Variants in CLVS1 observed in about 807,000 individuals in gnomAD.
CLVS1 encodes clavesin 1.
Under a neutral mutation model 33.1 loss-of-function variants are expected in CLVS1, and 10 were observed. That is an observed-to-expected ratio of 0.30 (90% confidence interval 0.19 to 0.51). The LOEUF is 0.51. Ranked by LOEUF, CLVS1 falls within the 20% of genes least tolerant of loss-of-function variation. The pLI is 0.97. For synonymous variants in CLVS1, 163 were observed against 166.1 expected, an observed-to-expected ratio of 0.98 and a Z score of 0.14; for missense variants, 343 against 433.4, an observed-to-expected ratio of 0.79 and a Z score of 1.85.
the CLVS1 span, among the ~76,000 whole-genome samples, chr8:61,000,347 A>C: frequency 8.5e-5 from 13 of 152,230 alleles, no homozygotes; most frequent in Non-Finnish European, 1.8e-4. Context: ...GCCAGTGAAC[A>C]TGGAATGATT....
intron 1 of CLVS1, among the ~76,000 whole-genome samples, chr8:61,069,495 C>T (rs970910626): frequency 4.6e-5 from 7 of 152,108 alleles, no homozygotes; most frequent in African/African-American, 9.7e-5. Flanking sequence ...TCAGCAGTCA[C>T]ACTTTCTTTG....
chr8:61,030,882 A>G, the CLVS1 span, among the ~76,000 whole-genome samples: 1 of 152,230 alleles, frequency 6.6e-6, no homozygotes, highest in South Asian at 2.1e-4. Flanking sequence ...CCTGGGACCA[A>G]ATCACAGCTG....
the CLVS1 span, among the ~76,000 whole-genome samples, chr8:60,968,513 TCA>T: frequency 1.1e-5 from 1 of 90,458 alleles, no homozygotes; most frequent in East Asian, 3.2e-4. Context: ...AGACTCCGTT[TCA>T]AAAAAAAAAA....
the CLVS1 span, among the ~76,000 whole-genome samples, chr8:61,005,500 GA>G: frequency 4.0e-5 from 6 of 150,310 alleles, no homozygotes; most frequent in East Asian, 1.2e-3. Context: ...GAAAAGAAAA[GA>G]AAAAAAAGCC....
chr8:61,469,334 A>G (rs770947308), intron 5 of CLVS1, among the ~76,000 whole-genome samples: 2 of 152,182 alleles, frequency 1.3e-5, no homozygotes, highest in Non-Finnish European at 2.9e-5. Flanking sequence ...TTATGGCCAA[A>G]TACCTTCATC....
chr8:61,063,524 G>A (rs556971202), intron 1 of CLVS1, among the ~76,000 whole-genome samples: 21 of 152,234 alleles, frequency 1.4e-4, no homozygotes, highest in Admixed American at 3.3e-4. Context: ...GCCTGGCTGG[G>A]GCACAGGCTT....
intron 2 of CLVS1, among the ~76,000 whole-genome samples, chr8:61,133,724 T>G (rs79749002): frequency 6.6e-6 from 1 of 151,978 alleles, no homozygotes; most frequent in Non-Finnish European, 1.5e-5. Context: ...TTTTAGGAGG[T>G]CATTGTGCTT....
intron 2 of CLVS1, among the ~76,000 whole-genome samples, chr8:61,137,673 T>G (rs1225799690): frequency 1.3e-5 from 2 of 152,196 alleles, no homozygotes; most frequent in African/African-American, 2.4e-5. Flanking sequence ...CAGAATTACT[T>G]TCCTTTCCTC....
chr8:61,297,287 G>A (rs960236633), intron 1 of CLVS1, among the ~76,000 whole-genome samples: 3 of 152,160 alleles, frequency 2.0e-5, no homozygotes, highest in Non-Finnish European at 2.9e-5. Flanking sequence ...AGGTTGAAAT[G>A]CAGAGAACGG....
chr8:61,302,694 T>C (rs975594583), intron 2 of CLVS1, among the ~76,000 whole-genome samples: 4 of 152,220 alleles, frequency 2.6e-5, no homozygotes, highest in Non-Finnish European at 5.9e-5. Flanking sequence ...TGGAGAATAA[T>C]TGTATTAGTC....
chr8:61,134,138 T>C (rs987218574), intron 2 of CLVS1, among the ~76,000 whole-genome samples: 1 of 152,152 alleles, frequency 6.6e-6, no homozygotes, highest in Non-Finnish European at 1.5e-5. Flanking sequence ...TTTACTCAAA[T>C]TTAAGGACAC....
In CLVS1 at chr8:61,167,421, A is replaced by T. The variant is rs576113480; in HGVS notation, c.-152+35561A>T. ...GGTCTCGAAATCCTAACTTCAGGTG[A>T]TCCACCCGCCTCGGCCTCCCAAAGT... On this transcript the variant is annotated intron_variant, in intron 2 of 2. Transcript: ENST00000522621. 6.6e-5 allele frequency among the ~76,000 whole-genome samples: 10 copies of T among 152,136 alleles called. No individual in the cohort carries two copies. The East Asian group carries it at 1.9e-3, about 29-fold the overall frequency.
At chr8:61,207,029 A>G (rs1463948146) in intron 2 of CLVS1, among the ~76,000 whole-genome samples, 1 of 152,220 alleles carries the variant, frequency 6.6e-6, no homozygotes, top group Non-Finnish European at 1.5e-5. Context: ...GTCAGGAGAC[A>G]TTTGATGAAT....
In CLVS1 at chr8:61,156,353, G is replaced by A. The variant is rs188349325; in HGVS notation, c.-152+24493G>A. ...GATAATATAAAAACCTCAACCATCTGGTCCCTCCTGTGAGTCTCACACTTC... is the reference window on the plus strand; with the variant it reads ...GATAATATAAAAACCTCAACCATCTAGTCCCTCCTGTGAGTCTCACACTTC... On this transcript the variant is annotated intron_variant, in intron 2 of 2. Coordinates refer to the CLVS1 transcript ENST00000522621. 2.9e-3 allele frequency among the ~76,000 whole-genome samples: 440 copies of A among 150,952 alleles called. 1 individual carries two copies. Among genetic ancestry groups the A allele is most frequent in the Non-Finnish European group, 4.5e-3 (308 of 67,932 alleles).
At chr8:60,970,390 C>A in the CLVS1 span, among the ~76,000 whole-genome samples, 1 of 152,210 alleles carries the variant, frequency 6.6e-6, no homozygotes, top group Non-Finnish European at 1.5e-5. Flanking sequence ...GTGTTGAAGC[C>A]TGTTTCCTGG....
At position 61,174,435 on chromosome 8, in the gene CLVS1, A is replaced by G. The variant is rs558381655; in HGVS notation, c.-152+42575A>G. ...TGGGCAACAGAGTGAGACTGTCTCAAAAAACAAACAAACAAACAAACAAAC... is the reference window on the plus strand; with the variant it reads ...TGGGCAACAGAGTGAGACTGTCTCAGAAAACAAACAAACAAACAAACAAAC... On this transcript the variant is annotated intron_variant, in intron 2 of 2. Coordinates refer to the CLVS1 transcript ENST00000522621. Among the ~76,000 whole-genome samples, 110 of 87,550 alleles carry G rather than the reference A, an allele frequency of 1.3e-3. 2 individuals are homozygous for G. Among genetic ancestry groups the G allele is most frequent in the Non-Finnish European group, 3.9e-4 (14 of 35,662 alleles). 57.4% of individuals were successfully genotyped at this position (87,550 alleles called of 152,430 possible). A position where few individuals can be genotyped will look rare whatever the true frequency, so the allele number is the denominator to read the frequency against.
upstream of CLVS1, among the ~76,000 whole-genome samples, chr8:61,287,594 TA>T (rs1809815365): frequency 6.6e-6 from 1 of 152,188 alleles, no homozygotes; most frequent in Admixed American, 6.5e-5. Flanking sequence ...ATGTTTTTGA[TA>T]AAAACATCTA....
chr8:61,361,092 C>G (rs930813052), intron 2 of CLVS1, among the ~76,000 whole-genome samples: 1 of 152,128 alleles, frequency 6.6e-6, no homozygotes, highest in Non-Finnish European at 1.5e-5. Context: ...TTTAAACAAG[C>G]AGATCTCACT....
chr8:61,159,206 GC>G (rs1806708237), intron 2 of CLVS1, among the ~76,000 whole-genome samples: 1 of 152,182 alleles, frequency 6.6e-6, no homozygotes, highest in African/African-American at 2.4e-5. Flanking sequence ...CCTTGGTTGT[GC>G]TTACAAGTGA....
Sources: gnomAD v4.1 joint callset for allele counts (sites outside exome capture counted in the v4.1 genomes callset) on GRCh38, gnomAD v4.1.1 for gene constraint, MANE v1.5 for transcripts, NCBI Gene and HGNC (gene_info 2026-07-23, HGNC 2026-07-21) for gene names.